Variants in CIMAP1D observed in about 807,000 individuals in gnomAD.
CIMAP1D encodes the protein protein CIMAP1D.
chr19:484,675 C>T, the CIMAP1D span, among the ~76,000 whole-genome samples: 1 of 152,172 alleles, frequency 6.6e-6, no homozygotes, highest in African/African-American at 2.4e-5. Flanking sequence ...TGTGCAAAGG[C>T]CCTGGGGCAG....
At chr19:472,149 C>T in the CIMAP1D span, among the ~76,000 whole-genome samples, 115,614 of 152,112 alleles carry the variant, frequency 0.76, 44,110 homozygotes, top group Admixed American at 0.8. Flanking sequence ...GGTACAGGTA[C>T]TCACCTCCTT....
At chr19:465,107 GTGGA>G in the CIMAP1D span, among the ~76,000 whole-genome samples, 2 of 101,806 alleles carry the variant, frequency 2.0e-5, no homozygotes, top group African/African-American at 4.1e-5. Flanking sequence ...GGGTGAGTGG[GTGGA>G]TGGATGGATG....
chr19:467,148 GTGGGTGGT>G, the CIMAP1D span, among the ~76,000 whole-genome samples: 2 of 135,618 alleles, frequency 1.5e-5, no homozygotes, highest in Non-Finnish European at 3.2e-5. Context: ...AGATGGATGG[GTGGGTGGT>G]TGGGTGGGTG....
the CIMAP1D span, chr19:474,745 C>A: frequency 6.5e-7 from 1 of 1,528,028 alleles, no homozygotes. Flanking sequence ...TGAGGGTCCC[C>A]ATGGTGGGCA....
the CIMAP1D span, among the ~76,000 whole-genome samples, chr19:470,142 A>C: frequency 6.6e-6 from 1 of 151,734 alleles, no homozygotes; most frequent in African/African-American, 2.4e-5. Flanking sequence ...TCTCGGGCCC[A>C]GGAGGTGTCC....
At chr19:479,286 C>T in the CIMAP1D span, among the ~76,000 whole-genome samples, 3 of 152,130 alleles carry the variant, frequency 2.0e-5, no homozygotes, top group African/African-American at 7.2e-5. Flanking sequence ...GCTGCTCAAT[C>T]GTTACCTCCT....
At chr19:472,375 G>C in the CIMAP1D span, 1 of 1,393,454 alleles carries the variant, frequency 7.2e-7, no homozygotes, top group Non-Finnish European at 9.6e-7. Flanking sequence ...GCCTCCAGCC[G>C]CCCACTCGCC....
chr19:483,682 A>G, the CIMAP1D span, among the ~76,000 whole-genome samples: 1 of 152,156 alleles, frequency 6.6e-6, no homozygotes, highest in Non-Finnish European at 1.5e-5. Context: ...CCCACCTGGG[A>G]TGTCCACAGG....
chr19:480,491 T>TGAG, the CIMAP1D span, among the ~76,000 whole-genome samples: 1 of 71,102 alleles, frequency 1.4e-5, no homozygotes, highest in African/African-American at 7.5e-5. Context: ...AGGATGATGG[T>TGAG]AAGGATGATG....
At chr19:470,585 C>A in the CIMAP1D span, among the ~76,000 whole-genome samples, 2 of 152,192 alleles carry the variant, frequency 1.3e-5, no homozygotes, top group Non-Finnish European at 2.9e-5. Flanking sequence ...GGACCCCTTG[C>A]AGCTTCCTGA....
chr19:472,556 G>C, the CIMAP1D span: 2 of 1,298,786 alleles, frequency 1.5e-6, no homozygotes, highest in Non-Finnish European at 2.1e-6. Context: ...CGAAGAAGGA[G>C]CCCTGGACCC....
At chr19:471,425 G>T in the CIMAP1D span, among the ~76,000 whole-genome samples, 1 of 150,896 alleles carries the variant, frequency 6.6e-6, no homozygotes, top group East Asian at 2.0e-4. Flanking sequence ...TGGGATTACA[G>T]GGGTGAGCCA....
chr19:490,295 G>T, the CIMAP1D span: 1 of 270,358 alleles, frequency 3.7e-6, no homozygotes, highest in Non-Finnish European at 6.9e-6. Flanking sequence ...GGTGGAGGTT[G>T]CAGTGAGCCG....
chr19:478,488 C>T, the CIMAP1D span, among the ~76,000 whole-genome samples: 1 of 146,384 alleles, frequency 6.8e-6, no homozygotes, highest in South Asian at 2.2e-4. Context: ...CGCTGAGGGC[C>T]GGCAGCCTCG....
the CIMAP1D span, among the ~76,000 whole-genome samples, chr19:470,469 C>T: frequency 6.6e-6 from 1 of 152,154 alleles, no homozygotes; most frequent in Non-Finnish European, 1.5e-5. Flanking sequence ...CCTCGGCCTC[C>T]CGAAGTGCTG....
At chr19:464,419 C>A in the CIMAP1D span, 1 of 1,111,838 alleles carries the variant, frequency 9.0e-7, no homozygotes. Flanking sequence ...CCCAGAGACC[C>A]GGCCTGGCTC....
At chr19:480,757 AGAACGATGAT>A in the CIMAP1D span, among the ~76,000 whole-genome samples, 1 of 137,946 alleles carries the variant, frequency 7.2e-6, no homozygotes, top group Non-Finnish European at 1.6e-5. Context: ...ACGATGATGG[AGAACGATGAT>A]GGAAAACGAT....
At chr19:484,994 G>A in the CIMAP1D span, among the ~76,000 whole-genome samples, 1 of 152,122 alleles carries the variant, frequency 6.6e-6, no homozygotes, top group Admixed American at 6.5e-5. Flanking sequence ...TGGGCTGGGG[G>A]CTGCTGTGGG....
At chr19:481,184 TGGGAAGGATGATG>T in the CIMAP1D span, among the ~76,000 whole-genome samples, 1 of 117,294 alleles carries the variant, frequency 8.5e-6, no homozygotes, top group Non-Finnish European at 1.7e-5. Context: ...AGAAGGAATG[TGGGAAGGATGATG>T]GGGAAGGATG....
Sources: gnomAD v4.1 joint callset for allele counts (sites outside exome capture counted in the v4.1 genomes callset) on GRCh38, gnomAD v4.1.1 for gene constraint, MANE v1.5 for transcripts, NCBI Gene and HGNC (gene_info 2026-07-23, HGNC 2026-07-21) for gene names.